STK24: variants seen among roughly 807,000 people sequenced by gnomAD.
The protein encoded by STK24 is serine/threonine kinase 24, also known as serine/threonine-protein kinase 24.
A neutral mutation model predicts 55.6 loss-of-function variants in STK24; 21 were observed. That is an observed-to-expected ratio of 0.38 (90% CI 0.27 to 0.54). The LOEUF is 0.54. Ranked by LOEUF, STK24 falls within the 20% of genes least tolerant of loss-of-function variation. The pLI is 0.79. For synonymous variants in STK24, 200 were observed against 215.2 expected, an observed-to-expected ratio of 0.93 and a Z score of 0.62; for missense variants, 383 against 538.4, an observed-to-expected ratio of 0.71 and a Z score of 2.86.
At chr13:98,519,142 T>C (rs879146357) in intron 2 of STK24, 101 bp downstream of exon 2, 1 of 927,362 alleles carries the variant, frequency 1.1e-6, no homozygotes, top group Non-Finnish European at 1.7e-6. Flanking sequence ...CTCCTTGCTC[T>C]GAAACCTGCT....
Position 98,446,064 on chromosome 13 carries a change from C to G in STK24, c.*7109G>C. 17 of 1,466,388 alleles carry G rather than the reference C, an allele frequency of 1.2e-5. No individual in the cohort carries two copies. Among genetic ancestry groups the G allele is most frequent in the Non-Finnish European group, 1.6e-5 (17 of 1,046,554 alleles). 90.8% of individuals were successfully genotyped at this position (1,466,388 alleles called of 1,614,324 possible). A position where few individuals can be genotyped will look rare whatever the true frequency, so the allele number is the denominator to read the frequency against. ...TCTGTGCCCTCCTGGGGCAGGTGCC[C>G]GCTGTGCTTCTCACAGGCCTCCTTG... On this transcript the variant is annotated 3_prime_UTR_variant, in exon 11 of 11. Transcript: ENST00000539966.
intron 5 of STK24, among the ~76,000 whole-genome samples, chr13:98,472,357 G>A (rs1291218736): frequency 6.6e-6 from 1 of 152,192 alleles, no homozygotes; most frequent in Non-Finnish European, 1.5e-5. Flanking sequence ...AACTCTGAAG[G>A]GAGGACTTGC....
In STK24 at chr13:98,452,765, C is replaced by T. The variant is rs117911332; in HGVS notation, c.*408G>A. On this transcript the variant is annotated 3_prime_UTR_variant, in exon 11 of 11. Coordinates refer to ENST00000539966, the MANE Select transcript of STK24 (RefSeq NM_001032296.4). ...AAATCTGTACACCCATCCACCAGAG[C>T]GATTCTCCAGCTCCCAGAGGGAGTT... 2,293 of 173,402 alleles carry T rather than the reference C, an allele frequency of 0.013. 29 individuals are homozygous for T. The highest frequency in any genetic ancestry group is 0.021 in the Non-Finnish European group (1,708 of 81,332). The allele number at this position is 173,402 out of a possible 1,614,324, so 10.7% of individuals were successfully genotyped here. A position where few individuals can be genotyped will look rare whatever the true frequency, so the allele number is the denominator to read the frequency against.
intron 9 of STK24, among the ~76,000 whole-genome samples, chr13:98,459,860 C>T (rs564220652): frequency 7.2e-5 from 11 of 152,336 alleles, no homozygotes; most frequent in South Asian, 2.1e-4. Context: ...TCTCAAAACA[C>T]GGCCACGGGA....
At chr13:98,505,969 T>C (rs1026530102) in intron 2 of STK24, among the ~76,000 whole-genome samples, 1 of 151,954 alleles carries the variant, frequency 6.6e-6, no homozygotes, top group African/African-American at 2.4e-5. Flanking sequence ...TCATGAAGAG[T>C]TTTCTGTATC....
At chr13:98,536,239 C>G (rs757585736) in intron 1 of STK24, among the ~76,000 whole-genome samples, 3 of 152,118 alleles carry the variant, frequency 2.0e-5, no homozygotes, top group Non-Finnish European at 4.4e-5. Context: ...ATCTGTGAGC[C>G]AAATCCTACA....
intron 1 of STK24, among the ~76,000 whole-genome samples, chr13:98,569,373 A>G (rs1897674232): frequency 6.6e-6 from 1 of 151,692 alleles, no homozygotes; most frequent in South Asian, 2.1e-4. Context: ...TGCCCAACCA[A>G]CATCATGGCA....
intron 2 of STK24, among the ~76,000 whole-genome samples, chr13:98,482,693 A>C (rs754616726): frequency 1.3e-5 from 2 of 152,228 alleles, no homozygotes; most frequent in Non-Finnish European, 2.9e-5. Flanking sequence ...CACTTGAGGC[A>C]GTGGTGTCAC....
chr13:98,515,230 C>T (rs1370963470), intron 2 of STK24, among the ~76,000 whole-genome samples: 3 of 152,068 alleles, frequency 2.0e-5, no homozygotes, highest in Admixed American at 2.0e-4. Flanking sequence ...GTCTTCACTG[C>T]CTAATTAAAA....
chr13:98,554,604 T>C (rs1349427508), intron 1 of STK24, among the ~76,000 whole-genome samples: 1 of 152,238 alleles, frequency 6.6e-6, no homozygotes, highest in Non-Finnish European at 1.5e-5. Flanking sequence ...GTGGGAAGAT[T>C]GCTTGAGGCC....
intron 1 of STK24, among the ~76,000 whole-genome samples, chr13:98,536,977 C>T (rs752698807): frequency 7.2e-5 from 11 of 152,210 alleles, no homozygotes; most frequent in Non-Finnish European, 1.5e-4. Context: ...CCGGAGCCCG[C>T]CCCTCCCGGC....
At chr13:98,480,007 C>T (rs1023529617) in intron 3 of STK24, among the ~76,000 whole-genome samples, 4 of 152,172 alleles carry the variant, frequency 2.6e-5, no homozygotes, top group African/African-American at 9.7e-5. Flanking sequence ...CCCTGAAGGT[C>T]TCCTAGCTGA....
chr13:98,482,136 A>G (rs1026765529), intron 3 of STK24, 129 bp downstream of exon 3: 17 of 474,428 alleles, frequency 3.6e-5, no homozygotes, highest in African/African-American at 3.4e-4. Flanking sequence ...CGTAAGGAAT[A>G]GTTTGGTTCC....
At chr13:98,571,651 CACTT>C (rs1206237838) in intron 1 of STK24, among the ~76,000 whole-genome samples, 2 of 152,040 alleles carry the variant, frequency 1.3e-5, no homozygotes, top group Non-Finnish European at 2.9e-5. Flanking sequence ...GTTTTTTTGA[CACTT>C]ACATAGGCAA....
At chr13:98,504,349 C>G (rs1895604497) in intron 2 of STK24, among the ~76,000 whole-genome samples, 1 of 152,234 alleles carries the variant, frequency 6.6e-6, no homozygotes, top group Admixed American at 6.5e-5. Context: ...ATTTTCCAGT[C>G]TGTAGCTTTG....
chr13:98,494,619 T>C (rs1172223103), intron 2 of STK24, among the ~76,000 whole-genome samples: 1 of 152,138 alleles, frequency 6.6e-6, no homozygotes. Context: ...AACGCTTGAT[T>C]GTCCTGAGGC....
At chr13:98,574,060 G>A in intron 1 of STK24, among the ~76,000 whole-genome samples, 1 of 151,756 alleles carries the variant, frequency 6.6e-6, no homozygotes, top group East Asian at 1.9e-4. Context: ...CGCCCAGGCT[G>A]GGGTGCAACG....
chr13:98,446,122 A>T lies in STK24; in HGVS notation c.*7051T>A. 6.2e-7 allele frequency: 1 copy of T among 1,613,850 alleles called. No individual in the cohort carries two copies. The highest frequency in any genetic ancestry group is 8.5e-7 in the Non-Finnish European group (1 of 1,179,824). ...GAATCAGTTGTCTGGAAACCTGCTG[A>T]GGAAATTCAAAAACAGCAACGGGTG... On this transcript the variant is annotated 3_prime_UTR_variant, in exon 11 of 11. Coordinates refer to ENST00000539966, the MANE Select transcript of STK24 (RefSeq NM_001032296.4).
rs369487519 is a variant in STK24 at position 98,466,455 on chromosome 13, T to C, written c.704A>G (p.Asn235Ser). ...MKVLFLIPKN[N>S]PPTLEGNYSK... is the part of the protein sequence containing the mutation. ...GTAGTTTCCTTCCAACGTCGGTGGG[T>C]TGTTCTTTGGAATGAGGAATAAAAC... The change falls in exon 6 of 11, where the codon AAC (asparagine) becomes AGC (serine). Residue 235 changes from asparagine (N) to serine (S), a missense_variant. By Grantham distance (46) the Asn-to-Ser change is conservative. Coordinates refer to ENST00000539966, the MANE Select transcript of STK24 (RefSeq NM_001032296.4). The C allele has an allele frequency of 2.5e-6, 4 of 1,613,864 alleles. No homozygotes were observed. In the African/African-American group the frequency reaches 4.0e-5, roughly 16 times the overall value.
Sources: allele counts gnomAD v4.1 joint callset (sites outside exome capture counted in the v4.1 genomes callset), GRCh38; gene constraint gnomAD v4.1.1; transcripts MANE v1.5; gene names NCBI Gene and HGNC (gene_info 2026-07-23, HGNC 2026-07-21).